Variants in LYPLAL1 observed in about 807,000 individuals in gnomAD.
LYPLAL1 encodes lysophospholipase like 1.
Under a neutral mutation model 19.7 loss-of-function variants are expected in LYPLAL1, and 23 were observed. That is an observed-to-expected ratio of 1.17 (90% CI 0.84 to 1.65). The LOEUF (loss-of-function observed/expected upper bound fraction) is 1.65. Among genes scored for constraint, LYPLAL1 ranks in the 40% most tolerant of loss-of-function variants. LYPLAL1 has a pLI of 0.00. For synonymous variants in LYPLAL1, 119 were observed against 96.3 expected (o/e 1.24, Z -1.38); for missense variants, 355 against 279.4 (o/e 1.27, Z -1.93).
the LYPLAL1 span, among the ~76,000 whole-genome samples, chr1:219,315,632 A>C: frequency 6.6e-6 from 1 of 152,194 alleles, no homozygotes; most frequent in East Asian, 1.9e-4. Context: ...ACAATTTGAA[A>C]AATAGTTCAA....
chr1:219,279,661 C>T, the LYPLAL1 span, among the ~76,000 whole-genome samples: 2 of 152,098 alleles, frequency 1.3e-5, no homozygotes, highest in African/African-American at 2.4e-5. Context: ...GATAATGGTT[C>T]CAAGCTTATT....
chr1:219,419,524 CTT>C, the LYPLAL1 span, among the ~76,000 whole-genome samples: 1 of 148,628 alleles, frequency 6.7e-6, no homozygotes, highest in Admixed American at 6.8e-5. Context: ...TCTGGTTCCT[CTT>C]TGGGTTTCTG....
At chr1:219,198,413 A>G (rs1019122116) in intron 3 of LYPLAL1, 2 of 152,094 alleles carry the variant, frequency 1.3e-5, no homozygotes, top group African/African-American at 4.8e-5. Context: ...AAATGTTTTT[A>G]AAGTATAGTT....
intron 2 of LYPLAL1, among the ~76,000 whole-genome samples, chr1:219,180,898 T>G (rs1458208532): frequency 4.3e-4 from 66 of 152,290 alleles, no homozygotes; most frequent in Admixed American, 4.3e-3. Context: ...GCTGTTGTGA[T>G]TTAGTAAAAT....
At chr1:219,278,785 T>C in the LYPLAL1 span, among the ~76,000 whole-genome samples, 1 of 152,184 alleles carries the variant, frequency 6.6e-6, no homozygotes, top group African/African-American at 2.4e-5. Flanking sequence ...GACTGGGTTT[T>C]ATGGCCTCTC....
the LYPLAL1 span, among the ~76,000 whole-genome samples, chr1:219,306,777 G>GATAGATAGATAA: frequency 6.6e-6 from 1 of 151,082 alleles, no homozygotes; most frequent in South Asian, 2.1e-4. Flanking sequence ...TAGATAGATA[G>GATAGATAGATAA]ATAGATAGAT....
chr1:219,426,779 A>T, the LYPLAL1 span, among the ~76,000 whole-genome samples: 3 of 152,120 alleles, frequency 2.0e-5, no homozygotes, highest in Non-Finnish European at 4.4e-5. Context: ...TTATATTTTT[A>T]GTAGAGACGG....
chr1:219,243,686 G>A, the LYPLAL1 span, among the ~76,000 whole-genome samples: 199 of 152,144 alleles, frequency 1.3e-3, no homozygotes, highest in Non-Finnish European at 2.2e-3. Context: ...TTGGGAGGCC[G>A]AGGTGGGTGG....
rs886517079 is a variant in LYPLAL1 at position 219,175,126 on chromosome 1, C to T, written c.91+1145C>T. On this transcript the variant is annotated intron_variant, in intron 1 of 4. Transcript: ENST00000366928. ...TATTCTCTTTATTTTGAAAATGAGG[C>T]CAGACAGGTTCAGCAGCTTGGCCAA... The T allele has an allele frequency of 1.0e-5, 10 of 980,644 alleles. No homozygotes were observed. In the African/African-American group the frequency reaches 1.8e-4, roughly 17 times the overall value. 60.7% of individuals were successfully genotyped at this position (980,644 alleles called of 1,614,324 possible).
the LYPLAL1 span, among the ~76,000 whole-genome samples, chr1:219,240,809 C>G: frequency 1.3e-5 from 2 of 151,926 alleles, no homozygotes; most frequent in African/African-American, 2.4e-5. Context: ...TTTTCCAATT[C>G]CATTCTCTCT....
chr1:219,229,325 G>GAGAGAGAGAGAGAGAGAGAC, the LYPLAL1 span, among the ~76,000 whole-genome samples: 4 of 107,636 alleles, frequency 3.7e-5, no homozygotes, highest in African/African-American at 1.2e-4. Flanking sequence ...GAGAGAGAGA[G>GAGAGAGAGAGAGAGAGAGAC]AGAGAGAGAG....
At chr1:219,362,095 C>A in the LYPLAL1 span, among the ~76,000 whole-genome samples, 1 of 152,076 alleles carries the variant, frequency 6.6e-6, no homozygotes, top group East Asian at 1.9e-4. Flanking sequence ...GAAGAGGACT[C>A]CAAGAACTTT....
intron 1 of LYPLAL1, among the ~76,000 whole-genome samples, chr1:219,177,309 G>A (rs892723558): frequency 1.3e-5 from 2 of 152,144 alleles, no homozygotes; most frequent in Non-Finnish European, 2.9e-5. Flanking sequence ...AAGCATTTTA[G>A]CTTTTGTGGG....
At chr1:219,308,350 C>T in the LYPLAL1 span, among the ~76,000 whole-genome samples, 174 of 152,246 alleles carry the variant, frequency 1.1e-3, 1 homozygote, top group African/African-American at 4.0e-3. Flanking sequence ...AAGAAAATCC[C>T]ATTTTATGAG....
the LYPLAL1 span, among the ~76,000 whole-genome samples, chr1:219,349,354 C>T: frequency 6.6e-6 from 1 of 152,144 alleles, no homozygotes; most frequent in Non-Finnish European, 1.5e-5. Context: ...ATGTGATCCC[C>T]AGCTTCACAA....
the LYPLAL1 span, among the ~76,000 whole-genome samples, chr1:219,298,112 C>T: frequency 1.3e-5 from 2 of 152,154 alleles, no homozygotes; most frequent in African/African-American, 4.8e-5. Flanking sequence ...GAGTTTGAGA[C>T]CAGCGTGGGT....
At chr1:219,409,467 C>CACACACACACACAT in the LYPLAL1 span, 18,224 of 146,570 alleles carry the variant, frequency 0.12, 1,574 homozygotes, top group East Asian at 0.42. Flanking sequence ...CACACACACA[C>CACACACACACACAT]AAATTTTATT....
chr1:219,373,093 T>C, the LYPLAL1 span, among the ~76,000 whole-genome samples: 1 of 152,164 alleles, frequency 6.6e-6, no homozygotes, highest in South Asian at 2.1e-4. Flanking sequence ...GGCATGCTGG[T>C]GGCTGAAAAA....
At chr1:219,191,868 T>G (rs936685407) in intron 2 of LYPLAL1, among the ~76,000 whole-genome samples, 1 of 151,680 alleles carries the variant, frequency 6.6e-6, no homozygotes, top group African/African-American at 2.4e-5. Context: ...TACAAAGTAA[T>G]GTTTATATGA....
Sources: gnomAD v4.1 joint callset for allele counts (sites outside exome capture counted in the v4.1 genomes callset) on GRCh38, gnomAD v4.1.1 for gene constraint, MANE v1.5 for transcripts, NCBI Gene and HGNC (gene_info 2026-07-23, HGNC 2026-07-21) for gene names.